GOLGA5: variants seen among roughly 807,000 people sequenced by gnomAD.
GOLGA5 encodes golgin subfamily A member 5.
Under a neutral mutation model 93.5 loss-of-function variants are expected in GOLGA5, and 50 were observed. That is an observed-to-expected ratio of 0.53 (90% CI 0.43 to 0.68). The LOEUF (loss-of-function observed/expected upper bound fraction) is 0.68, where lower values mean the gene tolerates loss of function less well. GOLGA5 is among the 30% of genes least tolerant of loss of function. The pLI is 0.00. For synonymous variants in GOLGA5, 312 were observed against 304.5 expected, an observed-to-expected ratio of 1.02 and a Z score of -0.26; for missense variants, 760 against 856.4, an observed-to-expected ratio of 0.89 and a Z score of 1.40.
intron 11 of GOLGA5, among the ~76,000 whole-genome samples, chr14:92,836,893 C>T (rs147851996): frequency 0.013 from 1,927 of 152,064 alleles, 28 homozygotes; most frequent in Admixed American, 0.039. Flanking sequence ...GGCGAAACCC[C>T]GTCTCTACTA....
intron 2 of GOLGA5, among the ~76,000 whole-genome samples, chr14:92,800,817 T>G (rs1884854919): frequency 6.6e-6 from 1 of 152,230 alleles, no homozygotes; most frequent in Non-Finnish European, 1.5e-5. Context: ...TTTTTGTACT[T>G]TTAAAGAAAG....
rs762876362 is a variant in GOLGA5 at position 92,811,623 on chromosome 14, G to A, written c.1189G>A (p.Glu397Lys). The change falls in exon 6 of 13, where the codon GAA becomes AAA. Residue 397 changes from glutamate (E) to lysine (K), a missense_variant. Transcript: ENST00000163416. ...TTTAGCAGAAGCAATTACACTGGCC[G>A]AAAGAAAATACTCAGATGAGAAGAA... ...QNLAEAITLA[E>K]RKYSDEKKRV... 5.6e-6 allele frequency: 9 copies of A among 1,612,448 alleles called. No homozygotes were observed. The highest frequency in any genetic ancestry group is 3.3e-5 in the Admixed American group (2 of 59,920).
intron 7 of GOLGA5, 106 bp downstream of exon 7, chr14:92,816,527 T>TCTTCG (rs57383293): frequency 0.47 from 324,754 of 690,280 alleles, 86,903 homozygotes; most frequent in Admixed American, 0.57. Flanking sequence ...TTCTCGCTTC[T>TCTTCG]CTTCGCTTCG....
In GOLGA5 at chr14:92,828,700, A is replaced by G. The variant is rs187217979; in HGVS notation, c.1719+4056A>G. On this transcript the variant is annotated intron_variant, in intron 9 of 12. Transcript: ENST00000163416. ...TTTTTATTTTTTGAGACAGAGCCTG[A>G]TTCTGTTGCCCAGACTGGAGTGCAG... 2.0e-3 allele frequency among the ~76,000 whole-genome samples: 311 copies of G among 152,286 alleles called. 1 individual carries two copies. Among genetic ancestry groups the G allele is most frequent in the Admixed American group, 3.1e-3 (47 of 15,298 alleles).
At chr14:92,812,829 A>C (rs1042794956) in intron 6 of GOLGA5, among the ~76,000 whole-genome samples, 1 of 152,012 alleles carries the variant, frequency 6.6e-6, no homozygotes, top group Non-Finnish European at 1.5e-5. Flanking sequence ...GAGTCCTCCT[A>C]AGCTCTGTCC....
chr14:92,813,521 G>A (rs1279873049), intron 6 of GOLGA5, among the ~76,000 whole-genome samples: 1 of 152,178 alleles, frequency 6.6e-6, no homozygotes, highest in Non-Finnish European at 1.5e-5. Context: ...CTGTGCCAGA[G>A]CAAGGGGGCC....
intron 10 of GOLGA5, among the ~76,000 whole-genome samples, chr14:92,835,076 T>G (rs775717754): frequency 1.3e-5 from 2 of 152,186 alleles, no homozygotes; most frequent in Non-Finnish European, 2.9e-5. Context: ...TGAGGCAGGT[T>G]GACAGCGAGG....
chr14:92,810,404 A>G (rs769644027), intron 5 of GOLGA5, 27 bp downstream of exon 5: 38 of 1,508,360 alleles, frequency 2.5e-5, no homozygotes, highest in Non-Finnish European at 3.1e-5. Flanking sequence ...GCAGATTCCT[A>G]TTGTTACTTG....
chr14:92,805,991 AC>A (rs66985752), intron 2 of GOLGA5, among the ~76,000 whole-genome samples: 9,632 of 146,514 alleles, frequency 0.066, 441 homozygotes, highest in Middle Eastern at 0.12. Flanking sequence ...AAAAAAAAAA[AC>A]AAAAAACCTT....
At chr14:92,830,056 C>T (rs1270552183) in intron 9 of GOLGA5, among the ~76,000 whole-genome samples, 7 of 152,124 alleles carry the variant, frequency 4.6e-5, no homozygotes, top group African/African-American at 1.7e-4. Flanking sequence ...TGGTGGTTCA[C>T]GCCTGTAAGC....
At chr14:92,810,559 T>G in intron 5 of GOLGA5, 182 bp downstream of exon 5, 2 of 411,748 alleles carry the variant, frequency 4.9e-6, no homozygotes, top group Non-Finnish European at 8.5e-6. Context: ...GTATTTAATT[T>G]TATGTGTTGA....
At chr14:92,832,533 C>A (rs959581909) in intron 9 of GOLGA5, among the ~76,000 whole-genome samples, 19 of 152,182 alleles carry the variant, frequency 1.2e-4, no homozygotes, top group Admixed American at 7.9e-4. Flanking sequence ...CATTTACTGT[C>A]CCTAAATACC....
rs143157835 is a variant in GOLGA5, at chr14:92,835,575, T to C, written c.1962T>C (p.Asn654=). The C allele has an allele frequency of 1.7e-4, 278 of 1,611,726 alleles. No homozygotes were observed. The highest frequency in any genetic ancestry group is 1.4e-3 in the African/African-American group (102 of 75,020). ...TTTAAACAGGCACTCGTCTGCGAAA[T>C]GTTCCTGTTCTTTTTAATGACACAG... is the stretch of plus-strand genomic sequence containing the variant. ...IDNGEGTRLR[N]VPVLFNDTET... Residue 654 remains asparagine (N), a synonymous_variant, in exon 11 of 13, where the codon AAT becomes AAC. Coordinates refer to ENST00000163416, the MANE Select transcript of GOLGA5 (RefSeq NM_005113.4).
chr14:92,813,032 A>G (rs1002983518), intron 6 of GOLGA5, among the ~76,000 whole-genome samples: 3 of 152,200 alleles, frequency 2.0e-5, no homozygotes, highest in Non-Finnish European at 2.9e-5. Flanking sequence ...GTTCTGGTCA[A>G]CGTTACTGCC....
At chr14:92,815,584 C>G (rs1205340502) in intron 6 of GOLGA5, among the ~76,000 whole-genome samples, 1 of 152,110 alleles carries the variant, frequency 6.6e-6, no homozygotes, top group East Asian at 1.9e-4. Flanking sequence ...CTCCTGCAAT[C>G]CCAGCACTTT....
At chr14:92,794,816 C>A (rs569446622) in intron 1 of GOLGA5, among the ~76,000 whole-genome samples, 1 of 152,188 alleles carries the variant, frequency 6.6e-6, no homozygotes, top group African/African-American at 2.4e-5. Context: ...CCTCCAGCCT[C>A]CCTCCCTCTG....
chr14:92,794,637 G>T (rs971599557), intron 1 of GOLGA5, among the ~76,000 whole-genome samples, 181 bp downstream of exon 1: 3 of 152,200 alleles, frequency 2.0e-5, no homozygotes, highest in South Asian at 4.1e-4. Flanking sequence ...AGCCGACGTC[G>T]TTTACTGCCC....
chr14:92,824,260 A>G (rs1257433609), intron 8 of GOLGA5, among the ~76,000 whole-genome samples: 1 of 152,216 alleles, frequency 6.6e-6, no homozygotes, highest in Non-Finnish European at 1.5e-5. Flanking sequence ...CCTCATTACA[A>G]GATAAACATT....
At position 92,830,117 on chromosome 14, in the gene GOLGA5, G is replaced by A. The variant is rs192917736; in HGVS notation, c.1720-3005G>A. Reference sequence around the variant, plus strand: ...GTGGATCATCTGAGGTCAGGAGTTCGAGACTAGCCTGACCAACATGGTGAA... The same window carrying A: ...GTGGATCATCTGAGGTCAGGAGTTCAAGACTAGCCTGACCAACATGGTGAA... On this transcript the variant is annotated intron_variant, in intron 9 of 12. Coordinates refer to ENST00000163416, the MANE Select transcript of GOLGA5 (RefSeq NM_005113.4). 2.2e-4 allele frequency among the ~76,000 whole-genome samples: 33 copies of A among 152,254 alleles called. No individual in the cohort carries two copies. In the East Asian group the frequency reaches 5.0e-3, roughly 23 times the overall value.
Sources: gnomAD v4.1 joint callset for allele counts (sites outside exome capture counted in the v4.1 genomes callset) on GRCh38, gnomAD v4.1.1 for gene constraint, MANE v1.5 for transcripts, NCBI Gene and HGNC (gene_info 2026-07-23, HGNC 2026-07-21) for gene names.